ATXN1: variants seen among roughly 807,000 people sequenced by gnomAD.
ATXN1 encodes ataxin 1, also known as ataxin-1.
In ATXN1, 8 loss-of-function variants were observed where a neutral mutation model predicts 56.4. The observed-to-expected ratio is 0.14, with a 90% CI of 0.08 to 0.26. The LOEUF (loss-of-function observed/expected upper bound fraction) is 0.26, where lower values mean the gene tolerates loss of function less well. ATXN1 is among the 10% of genes least tolerant of loss of function. The pLI is 1.00. For synonymous variants in ATXN1, 514 were observed against 494.6 expected (o/e 1.04, Z -0.52); for missense variants, 987 against 1,106.5 (o/e 0.89, Z 1.53).
chr6:16,660,899 A>C (rs1429757703), intron 2 of ATXN1, among the ~76,000 whole-genome samples: 1 of 125,714 alleles, frequency 8.0e-6, no homozygotes, highest in South Asian at 2.5e-4. Context: ...AGTGCAGTGG[A>C]GTGATCTCAG....
intron 4 of ATXN1, among the ~76,000 whole-genome samples, chr6:16,539,278 A>G (rs938173144): frequency 1.4e-4 from 22 of 152,076 alleles, no homozygotes; most frequent in African/African-American, 5.1e-4. Flanking sequence ...CTTCTCTTGT[A>G]TCAAGCATCT....
chr6:16,602,062 T>C lies in ATXN1; in HGVS notation c.-488-16155A>G, dbSNP rs142364065. On this transcript the variant is annotated intron_variant, in intron 3 of 7. Coordinates refer to ENST00000436367, the MANE Select transcript of ATXN1 (RefSeq NM_001128164.2). ...AAATTAATATTGCCCCCATATAAGCTGTCTTTTGTATACTAAGCATCAGCA... is the reference window on the plus strand; with the variant it reads ...AAATTAATATTGCCCCCATATAAGCCGTCTTTTGTATACTAAGCATCAGCA... Among the ~76,000 whole-genome samples the C allele has an allele frequency of 1.7e-3, 253 of 152,302 alleles. 1 individual carries two copies. The highest frequency in any genetic ancestry group is 5.8e-3 in the African/African-American group (243 of 41,570).
chr6:16,360,812 C>T (rs1000981601), intron 6 of ATXN1, among the ~76,000 whole-genome samples: 4 of 152,196 alleles, frequency 2.6e-5, no homozygotes, highest in Non-Finnish European at 4.4e-5. Context: ...CACAAGCCCA[C>T]GTCCACACCT....
intron 5 of ATXN1, among the ~76,000 whole-genome samples, chr6:16,501,754 A>C (rs376608923): frequency 6.6e-6 from 1 of 152,010 alleles, no homozygotes; most frequent in South Asian, 2.1e-4. Flanking sequence ...TCCAGTCTTT[A>C]CTATTGTAAA....
At chr6:16,743,143 T>A (rs1760400233) in intron 2 of ATXN1, among the ~76,000 whole-genome samples, 1 of 152,212 alleles carries the variant, frequency 6.6e-6, no homozygotes. Context: ...GAAGACAGTC[T>A]TAGACGTTCA....
chr6:16,460,275 C>T (rs1017169708), intron 6 of ATXN1, among the ~76,000 whole-genome samples: 4 of 152,148 alleles, frequency 2.6e-5, no homozygotes, highest in Admixed American at 6.6e-5. Flanking sequence ...ACAGAGAGAG[C>T]GGGAATAGCT....
chr6:16,669,304 T>C (rs1284987069), intron 2 of ATXN1, among the ~76,000 whole-genome samples: 1 of 152,222 alleles, frequency 6.6e-6, no homozygotes, highest in East Asian at 1.9e-4. Context: ...GCTCCATTTA[T>C]AGAATCACAC....
chr6:16,453,517 TGAG>T (rs564051675), intron 6 of ATXN1, among the ~76,000 whole-genome samples: 9 of 152,338 alleles, frequency 5.9e-5, no homozygotes, highest in African/African-American at 1.9e-4. Flanking sequence ...AGAATTGCTC[TGAG>T]GATTACATCA....
intron 3 of ATXN1, among the ~76,000 whole-genome samples, chr6:16,596,511 C>G (rs1489302040): frequency 6.6e-6 from 1 of 152,194 alleles, no homozygotes; most frequent in Non-Finnish European, 1.5e-5. Context: ...CCATTCTCCA[C>G]AACTACAAAA....
chr6:16,376,980 G>T (rs1375821439), intron 6 of ATXN1, among the ~76,000 whole-genome samples: 5 of 152,100 alleles, frequency 3.3e-5, no homozygotes, highest in Non-Finnish European at 1.5e-5. Flanking sequence ...CTTCAAAATG[G>T]TTTCATTCAT....
chr6:16,685,695 T>C (rs1272573976), intron 2 of ATXN1, among the ~76,000 whole-genome samples: 1 of 152,228 alleles, frequency 6.6e-6, no homozygotes, highest in Non-Finnish European at 1.5e-5. Flanking sequence ...AATGAAGTAC[T>C]ATCTACATGG....
intron 2 of ATXN1, among the ~76,000 whole-genome samples, chr6:16,670,236 G>A (rs755965796): frequency 6.6e-6 from 1 of 152,124 alleles, no homozygotes; most frequent in African/African-American, 2.4e-5. Flanking sequence ...TCTCCAGCAA[G>A]TCTGGCTCTG....
intron 2 of ATXN1, among the ~76,000 whole-genome samples, chr6:16,679,610 C>T (rs895718587): frequency 6.6e-6 from 1 of 152,174 alleles, no homozygotes; most frequent in African/African-American, 2.4e-5. Context: ...TTTATGTATA[C>T]TGCACAATCC....
At chr6:16,433,926 G>A (rs1393879789) in intron 6 of ATXN1, among the ~76,000 whole-genome samples, 2 of 152,184 alleles carry the variant, frequency 1.3e-5, no homozygotes, top group African/African-American at 2.4e-5. Flanking sequence ...GAGAATTTTT[G>A]TGAAATTGAG....
At chr6:16,668,216 A>G (rs1330350319) in intron 2 of ATXN1, among the ~76,000 whole-genome samples, 1 of 151,866 alleles carries the variant, frequency 6.6e-6, no homozygotes, top group African/African-American at 2.4e-5. Context: ...TTTTATTACT[A>G]AAGTTTTAGG....
At chr6:16,323,972 G>A (rs1368204361) in intron 7 of ATXN1, among the ~76,000 whole-genome samples, 3 of 151,314 alleles carry the variant, frequency 2.0e-5, no homozygotes, top group African/African-American at 4.9e-5. Context: ...AATCTTTCTT[G>A]GGCCCTTCCA....
At chr6:16,503,404 C>T (rs941899768) in intron 5 of ATXN1, among the ~76,000 whole-genome samples, 4 of 152,214 alleles carry the variant, frequency 2.6e-5, no homozygotes, top group Admixed American at 2.0e-4. Context: ...CTGTTCCCTG[C>T]ACACACTGCA....
At chr6:16,679,380 A>ATAGGTGGG (rs1211251725) in intron 2 of ATXN1, among the ~76,000 whole-genome samples, 4 of 29,888 alleles carry the variant, frequency 1.3e-4, no homozygotes, top group Non-Finnish European at 2.6e-4. Context: ...GGGTGGATGG[A>ATAGGTGGG]TGGATGGATG....
At chr6:16,347,983 T>C (rs1023107611) in intron 6 of ATXN1, among the ~76,000 whole-genome samples, 2 of 152,220 alleles carry the variant, frequency 1.3e-5, no homozygotes, top group Non-Finnish European at 2.9e-5. Context: ...GCTTCATTCC[T>C]GAAGCCAGTG....
Sources: gnomAD v4.1 joint callset for allele counts (sites outside exome capture counted in the v4.1 genomes callset) on GRCh38, gnomAD v4.1.1 for gene constraint, MANE v1.5 for transcripts, NCBI Gene and HGNC (gene_info 2026-07-23, HGNC 2026-07-21) for gene names.